Variants in ARHGAP40 observed in about 807,000 individuals in gnomAD.
The protein encoded by ARHGAP40 is Rho GTPase activating protein 40, also known as rho GTPase-activating protein 40.
In ARHGAP40, 43 loss-of-function variants were observed where a neutral mutation model predicts 73.5. That is an observed-to-expected ratio of 0.58 (90% CI 0.46 to 0.75). The LOEUF is 0.75. Among genes scored for constraint, ARHGAP40 ranks in the 30% least tolerant of loss-of-function variants. The pLI is 0.00. For synonymous variants in ARHGAP40, 300 were observed against 352.8 expected, an observed-to-expected ratio of 0.85 and a Z score of 1.68; for missense variants, 734 against 861.8, an observed-to-expected ratio of 0.85 and a Z score of 1.86.
intron 6 of ARHGAP40, among the ~76,000 whole-genome samples, chr20:38,635,272 G>A (rs1419740041): frequency 1.3e-5 from 2 of 152,078 alleles, no homozygotes; most frequent in African/African-American, 4.8e-5. Flanking sequence ...GTGAAATAGA[G>A]TAAAATACAA....
chr20:38,647,022 C>A (rs748367059), exon 13 of ARHGAP40: 75 of 1,305,378 alleles, frequency 5.7e-5, no homozygotes, highest in Non-Finnish European at 7.2e-5. Flanking sequence ...TGCCTCTCAC[C>A]CCCAGCACCA....
At chr20:38,624,327 G>C (rs2088888483) in intron 2 of ARHGAP40, among the ~76,000 whole-genome samples, 1 of 152,154 alleles carries the variant, frequency 6.6e-6, no homozygotes, top group Non-Finnish European at 1.5e-5. Flanking sequence ...AAGAGAGAGA[G>C]CTGGGTAGAA....
At chr20:38,639,280 C>T (rs746712178) in exon 9 of ARHGAP40, 56 of 1,305,332 alleles carry the variant, frequency 4.3e-5, no homozygotes, top group East Asian at 5.5e-5. Flanking sequence ...TTAGCTGGGA[C>T]GAGGTTCATC....
intron 1 of ARHGAP40, chr20:38,615,592 G>A (rs1231054758): frequency 8.2e-6 from 4 of 489,108 alleles, no homozygotes; most frequent in Non-Finnish European, 1.5e-5. Context: ...TGCTCTAAGA[G>A]GTCCAATTTC....
At chr20:38,637,517 A>C (rs1012520132) in intron 6 of ARHGAP40, among the ~76,000 whole-genome samples, 191 bp from the exon 7 acceptor site, 6 of 152,100 alleles carry the variant, frequency 3.9e-5, no homozygotes, top group East Asian at 1.9e-4. Context: ...GTAATGTTTT[A>C]ATGAAAACAT....
chr20:38,633,467 A>G (rs1601145055), intron 5 of ARHGAP40, among the ~76,000 whole-genome samples: 1 of 152,218 alleles, frequency 6.6e-6, no homozygotes, highest in East Asian at 1.9e-4. Flanking sequence ...TGTTTCATAC[A>G]CTTTATTGAA....
At chr20:38,607,150 A>G (rs745709220) in intron 1 of ARHGAP40, among the ~76,000 whole-genome samples, 2 of 152,228 alleles carry the variant, frequency 1.3e-5, no homozygotes, top group African/African-American at 2.4e-5. Flanking sequence ...GCTGACTCCA[A>G]ATAGCACAGG....
At chr20:38,625,165 ATCCCTGG>A (rs2088892329) in intron 2 of ARHGAP40, among the ~76,000 whole-genome samples, 1 of 152,228 alleles carries the variant, frequency 6.6e-6, no homozygotes, top group African/African-American at 2.4e-5. Flanking sequence ...ATGTAAAAAC[ATCCCTGG>A]TTACACTAGA....
chr20:38,620,442 C>T lies in ARHGAP40; in HGVS notation c.138-2917C>T, dbSNP rs148501185. Among the ~76,000 whole-genome samples the T allele has an allele frequency of 3.5e-4, 54 of 152,322 alleles. 1 individual carries two copies. The East Asian group carries it at 0.01, about 29-fold the overall frequency. ...GAATGTTCTTCCAAAGAAATAATTGCTGCCCCCTCACTGCTTAGCTATCAA... is the reference window on the plus strand; with the variant it reads ...GAATGTTCTTCCAAAGAAATAATTGTTGCCCCCTCACTGCTTAGCTATCAA... On this transcript the variant is annotated intron_variant, in intron 1 of 14. Coordinates refer to ENST00000373345, the Ensembl canonical transcript of ARHGAP40.
intron 7 of ARHGAP40, among the ~76,000 whole-genome samples, chr20:38,638,076 G>A (rs547604043): frequency 3.3e-5 from 5 of 151,990 alleles, no homozygotes; most frequent in South Asian, 2.1e-4. Context: ...TTGGGAGGCC[G>A]AAGCGGGTGG....
rs951951626 is a variant in ARHGAP40, at chr20:38,646,039, C to T, written c.1570-8C>T. On this transcript the variant is annotated splice_polypyrimidine_tract_variant and splice_region_variant and intron_variant, in intron 11 of 14. Transcript: ENST00000373345. The surrounding 1 kb of genome is among the most constrained non-coding windows in gnomAD (Gnocchi z 4.5). ...TCCCCCTGCCAAAACTTGATCCTTT[C>T]TGGCCAGGTCGCCTCTTTCCTGGTC... 3 of 1,301,574 alleles carry T rather than the reference C, an allele frequency of 2.3e-6. No individual in the cohort carries two copies. Among genetic ancestry groups the T allele is most frequent in the Non-Finnish European group, 3.0e-6 (3 of 987,430 alleles). 80.6% of individuals were successfully genotyped at this position (1,301,574 alleles called of 1,614,324 possible).
intron 5 of ARHGAP40, among the ~76,000 whole-genome samples, chr20:38,631,771 A>G (rs1003784734): frequency 1.3e-5 from 2 of 152,048 alleles, no homozygotes; most frequent in Non-Finnish European, 2.9e-5. Context: ...CTGCTTAGGA[A>G]ACCAACCCCA....
rs140841460 is a variant in ARHGAP40, at chr20:38,641,603, G to A, written c.1280-123G>A. The A allele has an allele frequency of 1.5e-3, 943 of 610,010 alleles. 8 individuals are homozygous for A. The African/African-American group carries it at 0.017, about 11-fold the overall frequency. 37.8% of individuals were successfully genotyped at this position (610,010 alleles called of 1,614,324 possible). A position where few individuals can be genotyped will look rare whatever the true frequency, so the allele number is the denominator to read the frequency against. The stretch of plus-strand genomic sequence containing the variant: ...ACAAGGAAATAGTCCCACACCTTAT[G>A]AAAAAAGGGATTCCTGGCTGTCCCC... On this transcript the variant is annotated intron_variant, in intron 9 of 14. Coordinates refer to ENST00000373345, the Ensembl canonical transcript of ARHGAP40.
chr20:38,637,497 C>T (rs2088983012), intron 6 of ARHGAP40, among the ~76,000 whole-genome samples: 1 of 152,112 alleles, frequency 6.6e-6, no homozygotes. Context: ...TGAGACATAT[C>T]TCCTCAGCAG....
chr20:38,633,308 T>A (rs757251779), intron 5 of ARHGAP40, among the ~76,000 whole-genome samples: 1 of 152,138 alleles, frequency 6.6e-6, no homozygotes, highest in East Asian at 1.9e-4. Context: ...GCTAAAGACA[T>A]CACATATTGA....
rs774431385 is a variant in ARHGAP40 at position 38,626,976 on chromosome 20, G to A, written c.338-19G>A. On this transcript the variant is annotated intron_variant, in intron 2 of 14. Transcript: ENST00000373345. The stretch of plus-strand genomic sequence containing the variant: ...TGCAGAGCTGTGTGTGTTCATCTGG[G>A]TTCTACTTCTGTTGGCAGAAGGGGA... The A allele has an allele frequency of 2.0e-5, 26 of 1,302,156 alleles. No individual in the cohort carries two copies. The highest frequency in any genetic ancestry group is 2.4e-5 in the Non-Finnish European group (24 of 987,984). The allele number at this position is 1,302,156 out of a possible 1,614,324, so 80.7% of individuals were successfully genotyped here. A position where few individuals can be genotyped will look rare whatever the true frequency, so the allele number is the denominator to read the frequency against.
chr20:38,635,222 T>C (rs1365990257), intron 6 of ARHGAP40, among the ~76,000 whole-genome samples: 4 of 151,566 alleles, frequency 2.6e-5, no homozygotes, highest in Admixed American at 2.0e-4. Context: ...CATTTTTTTT[T>C]CTGCATATGT....
At chr20:38,626,430 A>G (rs2088899035) in intron 2 of ARHGAP40, among the ~76,000 whole-genome samples, 1 of 152,228 alleles carries the variant, frequency 6.6e-6, no homozygotes, top group African/African-American at 2.4e-5. Flanking sequence ...CCTGGAACAG[A>G]ATCCCTGGAG....
intron 2 of ARHGAP40, among the ~76,000 whole-genome samples, chr20:38,625,399 TTTCC>T (rs1350040076): frequency 1.3e-5 from 2 of 151,894 alleles, no homozygotes; most frequent in African/African-American, 4.8e-5. Context: ...GGTTTTTTTT[TTTCC>T]TTTCTTTTCT....
Sources: gnomAD v4.1 joint callset for allele counts (sites outside exome capture counted in the v4.1 genomes callset) on GRCh38, gnomAD v4.1.1 for gene constraint, Gnocchi (gnomAD v3.1) non-coding constraint, MANE v1.5 for transcripts, NCBI Gene and HGNC (gene_info 2026-07-23, HGNC 2026-07-21) for gene names.